Variants in RAB3GAP2 observed in about 807,000 individuals in gnomAD.
RAB3GAP2 encodes rab3 GTPase-activating protein non-catalytic subunit.
In RAB3GAP2, 87 loss-of-function variants were observed where a neutral mutation model predicts 185.3. The ratio of observed to expected loss-of-function variants is 0.47; its 90% CI spans 0.39 to 0.56. RAB3GAP2 has a LOEUF of 0.56. RAB3GAP2 is among the 20% of genes least tolerant of loss of function. The pLI is 0.00. For missense variants in RAB3GAP2, 1,492 were observed against 1,638.2 expected (o/e 0.91, Z 1.54); for synonymous variants, 554 against 576.1 (o/e 0.96, Z 0.55).
chr1:220,270,658 G>A (rs1660317942), intron 1 of RAB3GAP2, among the ~76,000 whole-genome samples: 1 of 152,074 alleles, frequency 6.6e-6, no homozygotes, highest in Non-Finnish European at 1.5e-5. Context: ...ATCCTACTAA[G>A]GTTCTTAATT....
intron 1 of RAB3GAP2, among the ~76,000 whole-genome samples, chr1:220,237,982 T>C (rs894847444): frequency 1.3e-5 from 2 of 152,136 alleles, no homozygotes; most frequent in African/African-American, 4.8e-5. Flanking sequence ...TGCAAAATTA[T>C]TGGTGAGATA....
intron 2 of RAB3GAP2, among the ~76,000 whole-genome samples, chr1:220,231,486 T>C (rs1366192825): frequency 6.6e-6 from 1 of 152,154 alleles, no homozygotes; most frequent in African/African-American, 2.4e-5. Context: ...CTCCCAGAAA[T>C]AGGACTGTAA....
chr1:220,189,964 C>T (rs1409327948), intron 16 of RAB3GAP2, 100 bp downstream of exon 16: 5 of 1,121,078 alleles, frequency 4.5e-6, no homozygotes, highest in Middle Eastern at 2.2e-4. Flanking sequence ...TTCCAATAAG[C>T]TCATCCATGC....
chr1:220,203,846 A>G (rs968278437), intron 8 of RAB3GAP2, among the ~76,000 whole-genome samples: 3 of 152,186 alleles, frequency 2.0e-5, no homozygotes, highest in African/African-American at 7.2e-5. Flanking sequence ...TATTTTACCA[A>G]TCATATCAAC....
At position 220,164,803 on chromosome 1, in the gene RAB3GAP2, A is replaced by C. The variant is rs1658034674; in HGVS notation, c.3088-4T>G. The C allele has an allele frequency of 6.2e-7, 1 of 1,606,124 alleles. No homozygotes were observed. Among genetic ancestry groups the C allele is most frequent in the Non-Finnish European group, 8.5e-7 (1 of 1,175,054 alleles). ...ACCTAACAAAAAAACGTGCTTCCTT[A>C]CATACAGGGAGAAAAAAACGAGAAA... On this transcript the variant is annotated splice_region_variant and splice_polypyrimidine_tract_variant and intron_variant, in intron 26 of 34. Coordinates refer to ENST00000358951, the MANE Select transcript of RAB3GAP2 (RefSeq NM_012414.4).
At chr1:220,240,496 C>T (rs75560135) in intron 1 of RAB3GAP2, among the ~76,000 whole-genome samples, 10,479 of 151,998 alleles carry the variant, frequency 0.069, 485 homozygotes, top group South Asian at 0.12. Flanking sequence ...TCAAAGATTG[C>T]ATTAAAGATT....
At chr1:220,213,011 T>C (rs942617854) in intron 3 of RAB3GAP2, 43 bp from the exon 4 acceptor site, 2 of 1,415,250 alleles carry the variant, frequency 1.4e-6, no homozygotes, top group Non-Finnish European at 2.0e-6. Flanking sequence ...TTAGCTATAA[T>C]ACACTAAAAG....
intron 2 of RAB3GAP2, among the ~76,000 whole-genome samples, chr1:220,218,059 A>T (rs1481191657): frequency 2.6e-5 from 4 of 152,208 alleles, no homozygotes. Context: ...ATGATTCCAT[A>T]ATCAATTATG....
chr1:220,195,078 C>T lies in RAB3GAP2; in HGVS notation c.1130G>A (p.Arg377Lys). The T allele has an allele frequency of 6.2e-7, 1 of 1,613,950 alleles. No homozygotes were observed. The highest frequency in any genetic ancestry group is 2.2e-5 in the East Asian group (1 of 44,864). The part of the protein sequence containing the change: ...KVEPATPLAV[R>K]FGLPDSRRHG... The stretch of plus-strand genomic sequence containing the variant: ...AATTTGGGAAGCATGACAGACTTGC[C>T]TTACAGCTAATGGGGTAGCTGGCTC... Residue 377 changes from arginine to lysine, a missense_variant and splice_region_variant, in exon 12 of 35, where the codon AGA becomes AAA. Physicochemically the swap from Arg to Lys is conservative, Grantham distance 26. Around this residue, in one of 5 missense-constraint regions of RAB3GAP2, gnomAD observed 243 missense variants for 314.8 expected, o/e 0.77. Coordinates refer to ENST00000358951, the MANE Select transcript of RAB3GAP2 (RefSeq NM_012414.4).
intron 1 of RAB3GAP2, among the ~76,000 whole-genome samples, chr1:220,240,295 G>A (rs1027851319): frequency 6.6e-6 from 1 of 152,162 alleles, no homozygotes; most frequent in Non-Finnish European, 1.5e-5. Flanking sequence ...ATTCATGTTT[G>A]TAACTGAGCT....
At chr1:220,182,221 A>G in intron 21 of RAB3GAP2, 36 bp downstream of exon 21, 1 of 1,613,784 alleles carries the variant, frequency 6.2e-7, no homozygotes, top group African/African-American at 1.3e-5. Flanking sequence ...GACATTCACA[A>G]GGAAGAACAG....
intron 2 of RAB3GAP2, among the ~76,000 whole-genome samples, chr1:220,224,005 CAA>C (rs1170784100): frequency 1.8e-3 from 166 of 90,164 alleles, no homozygotes; most frequent in Middle Eastern, 6.4e-3. Flanking sequence ...GACCCTATCT[CAA>C]AAAAAAAAAA....
At chr1:220,156,739 A>G (rs1261886337) in intron 31 of RAB3GAP2, among the ~76,000 whole-genome samples, 1 of 152,240 alleles carries the variant, frequency 6.6e-6, no homozygotes, top group African/African-American at 2.4e-5. Context: ...TGAATTTACA[A>G]TGAAGAAAAT....
intron 20 of RAB3GAP2, 50 bp downstream of exon 20, chr1:220,182,668 T>C (rs1658433851): frequency 7.3e-7 from 1 of 1,372,930 alleles, no homozygotes; most frequent in Non-Finnish European, 9.9e-7. Context: ...CCTACCATGT[T>C]TTCTTCTAAA....
In RAB3GAP2 at chr1:220,164,888, T is replaced by C. The variant is rs1461360840; in HGVS notation, c.3088-89A>G. On this transcript the variant is annotated intron_variant, in intron 26 of 34. Coordinates refer to ENST00000358951, the MANE Select transcript of RAB3GAP2 (RefSeq NM_012414.4). Reference sequence around the variant, plus strand: ...ATCAATGGAGACTTCTTACATAAATTTCTGCATAAAACCACCTAAGAATGT... The same window carrying C: ...ATCAATGGAGACTTCTTACATAAATCTCTGCATAAAACCACCTAAGAATGT... The C allele has an allele frequency of 2.3e-6, 3 of 1,310,016 alleles. No individual in the cohort carries two copies. In the Admixed American group the frequency reaches 6.1e-5, roughly 27 times the overall value. 81.1% of individuals were successfully genotyped at this position (1,310,016 alleles called of 1,614,324 possible). A position where few individuals can be genotyped will look rare whatever the true frequency, so the allele number is the denominator to read the frequency against.
At chr1:220,263,684 T>C (rs1330394664) in intron 1 of RAB3GAP2, among the ~76,000 whole-genome samples, 1 of 152,108 alleles carries the variant, frequency 6.6e-6, no homozygotes, top group Non-Finnish European at 1.5e-5. Flanking sequence ...TTTGGGTTAT[T>C]ACAGCTTTGC....
intron 26 of RAB3GAP2, among the ~76,000 whole-genome samples, chr1:220,166,431 T>C (rs1157590129): frequency 6.6e-6 from 1 of 152,226 alleles, no homozygotes; most frequent in Admixed American, 6.5e-5. Context: ...GAAGGACTGA[T>C]TGGCAAAGGG....
In RAB3GAP2 at chr1:220,241,591, C is replaced by T. The variant is rs190081114; in HGVS notation, c.116-8728G>A. On this transcript the variant is annotated intron_variant, in intron 1 of 34. Transcript: ENST00000358951. ...AAAAGCATCACCCAGCAGTACAAAG[C>T]TAAAAGACAAAAGAAAAGTCTAAAG... 1.6e-3 allele frequency among the ~76,000 whole-genome samples: 242 copies of T among 152,050 alleles called. 1 individual carries two copies. Among genetic ancestry groups the T allele is most frequent in the African/African-American group, 5.7e-3 (235 of 41,526 alleles).
intron 13 of RAB3GAP2, among the ~76,000 whole-genome samples, chr1:220,192,051 A>C (rs1199148774): frequency 6.6e-6 from 1 of 152,182 alleles, no homozygotes; most frequent in Non-Finnish European, 1.5e-5. Flanking sequence ...CACAATGGAA[A>C]GAAAAACTGG....
Sources: gnomAD v4.1 joint callset for allele counts (sites outside exome capture counted in the v4.1 genomes callset) on GRCh38, gnomAD v4.1.1 for gene constraint, gnomAD v4.1.1 regional missense constraint, MANE v1.5 for transcripts, NCBI Gene and HGNC (gene_info 2026-07-23, HGNC 2026-07-21) for gene names.